Variants in CASD1 observed in about 807,000 individuals in gnomAD.
The protein encoded by CASD1 is N-acetylneuraminate (7)9-O-acetyltransferase.
Under a neutral mutation model 100.0 loss-of-function variants are expected in CASD1, and 41 were observed. The ratio of observed to expected loss-of-function variants is 0.41; its 90% CI spans 0.32 to 0.53. The LOEUF (loss-of-function observed/expected upper bound fraction) is 0.53. Among genes scored for constraint, CASD1 ranks in the 20% least tolerant of loss-of-function variants. The probability of loss-of-function intolerance (pLI) is 0.25; values close to 1 mark genes in which losing one functional copy is unlikely to be tolerated. For missense variants in CASD1, 774 were observed against 948.7 expected, an observed-to-expected ratio of 0.82 and a Z score of 2.42; for synonymous variants, 321 against 315.6, an observed-to-expected ratio of 1.02 and a Z score of -0.18.
Position 94,509,908 on chromosome 7 carries a change from G to A in CASD1, c.-177G>A. 2.7e-6 allele frequency: 3 copies of A among 1,109,320 alleles called. No individual in the cohort carries two copies. The highest frequency in any genetic ancestry group is 3.3e-6 in the Non-Finnish European group (3 of 907,648). 68.7% of individuals were successfully genotyped at this position (1,109,320 alleles called of 1,614,324 possible). A position where few individuals can be genotyped will look rare whatever the true frequency, so the allele number is the denominator to read the frequency against. On this transcript the variant is annotated 5_prime_UTR_variant, in exon 1 of 18. Transcript: ENST00000297273. ...GTCGGCCGCGGCCGAGGAGGGGCAG[G>A]CGGAGGTCGGGGGCGCCGCGGCCGC...
the CASD1 span, among the ~76,000 whole-genome samples, chr7:94,605,047 A>G: frequency 2.6e-5 from 4 of 151,626 alleles, no homozygotes; most frequent in African/African-American, 7.3e-5. Context: ...ATATTACTAA[A>G]GATCTACTTA....
At position 94,528,338 on chromosome 7, in the gene CASD1, C is replaced by G. The variant is rs904000019; in HGVS notation, c.459+88C>G. ...TTTTTATTCCCTTTACTCACTTGTC[C>G]CACTCTCCTATATTTTATACCTGCC... On this transcript the variant is annotated intron_variant, in intron 5 of 17. Coordinates refer to ENST00000297273, the MANE Select transcript of CASD1 (RefSeq NM_022900.5). 4 of 909,928 alleles carry G rather than the reference C, an allele frequency of 4.4e-6. No homozygotes were observed. The African/African-American group carries it at 5.1e-5, about 12-fold the overall frequency. 56.4% of individuals were successfully genotyped at this position (909,928 alleles called of 1,614,324 possible). A position where few individuals can be genotyped will look rare whatever the true frequency, so the allele number is the denominator to read the frequency against.
chr7:94,511,630 T>A (rs1425018463), intron 1 of CASD1, among the ~76,000 whole-genome samples: 1 of 152,202 alleles, frequency 6.6e-6, no homozygotes, highest in East Asian at 1.9e-4. Flanking sequence ...TTCTTTTAAC[T>A]ACTATTAATC....
chr7:94,536,146 G>A (rs1446634012), intron 8 of CASD1, among the ~76,000 whole-genome samples: 2 of 152,148 alleles, frequency 1.3e-5, no homozygotes, highest in Non-Finnish European at 2.9e-5. Flanking sequence ...GGGAGGCTGA[G>A]GCAGAAGAAT....
At chr7:94,547,212 T>G in intron 13 of CASD1, 37 bp downstream of exon 13, 1 of 1,448,290 alleles carries the variant, frequency 6.9e-7, no homozygotes, top group Non-Finnish European at 9.3e-7. Context: ...TTTTTCATAT[T>G]TTATTTTAAA....
chr7:94,602,237 T>A, the CASD1 span, among the ~76,000 whole-genome samples: 5 of 152,228 alleles, frequency 3.3e-5, no homozygotes, highest in East Asian at 7.7e-4. Flanking sequence ...CAAATTTTCC[T>A]ATAATAATTG....
intron 10 of CASD1, among the ~76,000 whole-genome samples, chr7:94,540,286 A>T (rs181424365): frequency 9.1e-4 from 138 of 152,298 alleles, no homozygotes; most frequent in Admixed American, 1.6e-3. Context: ...CTATTTGCTT[A>T]CATCTGTAAA....
intron 4 of CASD1, 54 bp downstream of exon 4, chr7:94,527,260 G>T: frequency 8.0e-7 from 1 of 1,249,476 alleles, no homozygotes; most frequent in South Asian, 1.2e-5. Flanking sequence ...TATATTCATT[G>T]GTTAATTGAA....
At chr7:94,625,267 T>C in the CASD1 span, 1 of 152,028 alleles carries the variant, frequency 6.6e-6, no homozygotes, top group African/African-American at 2.4e-5. Context: ...AAATAGAATA[T>C]TTTAAAATAC....
chr7:94,617,500 G>C, the CASD1 span: 2 of 152,162 alleles, frequency 1.3e-5, no homozygotes, highest in African/African-American at 4.8e-5. Flanking sequence ...TGCCTTCAGG[G>C]AAGATACCCC....
At chr7:94,563,431 T>TA in the CASD1 span, among the ~76,000 whole-genome samples, 1 of 152,178 alleles carries the variant, frequency 6.6e-6, no homozygotes, top group African/African-American at 2.4e-5. Context: ...ACTAATTACT[T>TA]ACCACTTTCA....
At chr7:94,528,376 A>G in intron 5 of CASD1, 126 bp downstream of exon 5, 1 of 635,358 alleles carries the variant, frequency 1.6e-6, no homozygotes, top group South Asian at 2.1e-5. Flanking sequence ...CTTAATAGCA[A>G]CTAAACTGTG....
At chr7:94,602,237 T>C in the CASD1 span, among the ~76,000 whole-genome samples, 7 of 152,228 alleles carry the variant, frequency 4.6e-5, no homozygotes, top group East Asian at 1.3e-3. Context: ...CAAATTTTCC[T>C]ATAATAATTG....
At chr7:94,544,389 A>T in intron 10 of CASD1, 22 bp from the exon 11 acceptor site, 1 of 1,611,986 alleles carries the variant, frequency 6.2e-7, no homozygotes, top group South Asian at 1.1e-5. Flanking sequence ...CATATGTTTT[A>T]CCTGTTTATC....
intron 14 of CASD1, among the ~76,000 whole-genome samples, chr7:94,550,874 C>T (rs1306630882): frequency 6.6e-6 from 1 of 152,088 alleles, no homozygotes; most frequent in East Asian, 1.9e-4. Context: ...AGCTCATGTA[C>T]TTTCCGGTCT....
downstream of CASD1, among the ~76,000 whole-genome samples, chr7:94,557,776 A>T: frequency 6.6e-6 from 1 of 151,920 alleles, no homozygotes; most frequent in Non-Finnish European, 1.5e-5. Context: ...TGTATAATTT[A>T]AAAATAATTT....
intron 13 of CASD1, among the ~76,000 whole-genome samples, chr7:94,548,397 TGA>T: frequency 6.7e-6 from 1 of 150,130 alleles, no homozygotes; most frequent in Non-Finnish European, 1.5e-5. Flanking sequence ...ATATTTTATC[TGA>T]GAGGTACATA....
At chr7:94,579,533 G>A in the CASD1 span, among the ~76,000 whole-genome samples, 1 of 152,082 alleles carries the variant, frequency 6.6e-6, no homozygotes, top group Non-Finnish European at 1.5e-5. Context: ...AAAATAATAA[G>A]TAATGTTGTA....
At chr7:94,531,233 T>C (rs890852117) in intron 5 of CASD1, among the ~76,000 whole-genome samples, 6 of 151,586 alleles carry the variant, frequency 4.0e-5, no homozygotes, top group African/African-American at 9.7e-5. Context: ...ACTATGAGAG[T>C]TGGAGGACAT....
Sources: allele counts gnomAD v4.1 joint callset (sites outside exome capture counted in the v4.1 genomes callset), GRCh38; gene constraint gnomAD v4.1.1; transcripts MANE v1.5; gene names NCBI Gene and HGNC (gene_info 2026-07-23, HGNC 2026-07-21).